XNDC1N: variants seen among roughly 807,000 people sequenced by gnomAD.
The protein encoded by XNDC1N is protein XNDC1N.
chr11:71,888,407 G>C, the XNDC1N span, among the ~76,000 whole-genome samples: 1 of 152,166 alleles, frequency 6.6e-6, no homozygotes, highest in African/African-American at 2.4e-5. Context: ...GTCACCAAGG[G>C]GGCGGGGACC....
the XNDC1N span, among the ~76,000 whole-genome samples, chr11:71,896,779 G>T: frequency 6.6e-6 from 1 of 152,194 alleles, no homozygotes; most frequent in Non-Finnish European, 1.5e-5. Context: ...GGTCAGGCTG[G>T]TCTTCAACTC....
the XNDC1N span, among the ~76,000 whole-genome samples, chr11:71,886,201 T>G: frequency 6.6e-6 from 1 of 151,764 alleles, no homozygotes; most frequent in Non-Finnish European, 1.5e-5. Context: ...CAATACACCG[T>G]CCTATACCGA....
At chr11:71,880,621 T>C in the XNDC1N span, among the ~76,000 whole-genome samples, 1 of 152,212 alleles carries the variant, frequency 6.6e-6, no homozygotes, top group African/African-American at 2.4e-5. Flanking sequence ...TTTATAATCT[T>C]ACTATGTTCT....
the XNDC1N span, chr11:71,923,532 C>T: frequency 1.7e-6 from 1 of 589,976 alleles, no homozygotes; most frequent in Non-Finnish European, 3.0e-6. Flanking sequence ...ACAGGAGTTA[C>T]TTGCAGCAGT....
At chr11:71,879,647 T>C in the XNDC1N span, among the ~76,000 whole-genome samples, 2 of 152,182 alleles carry the variant, frequency 1.3e-5, no homozygotes, top group Non-Finnish European at 2.9e-5. Context: ...ATTCATTGCC[T>C]TAAAGTGTTC....
the XNDC1N span, among the ~76,000 whole-genome samples, chr11:71,926,826 G>T: frequency 2.0e-5 from 3 of 151,800 alleles, no homozygotes; most frequent in South Asian, 2.1e-4. Flanking sequence ...ACTTGAACCC[G>T]GGAGGCAAAG....
At chr11:71,903,917 G>A in the XNDC1N span, 12 of 446,954 alleles carry the variant, frequency 2.7e-5, no homozygotes, top group Middle Eastern at 6.1e-4. Context: ...ACCACCTGTG[G>A]GTCTCACCTG....
At chr11:71,928,474 C>A in the XNDC1N span, 1 of 702,628 alleles carries the variant, frequency 1.4e-6, no homozygotes, top group Non-Finnish European at 2.6e-6. Context: ...CCGAGAGCTA[C>A]TCTTCCGTCT....
chr11:71,873,326 A>C, the XNDC1N span, among the ~76,000 whole-genome samples: 1 of 152,006 alleles, frequency 6.6e-6, no homozygotes, highest in Non-Finnish European at 1.5e-5. Context: ...GTTTTTTCAG[A>C]TCTAATTATT....
chr11:71,887,261 C>A, the XNDC1N span, among the ~76,000 whole-genome samples: 1 of 152,226 alleles, frequency 6.6e-6, no homozygotes, highest in Non-Finnish European at 1.5e-5. Context: ...GCAAAGCAAG[C>A]TTTCTGCTTG....
the XNDC1N span, among the ~76,000 whole-genome samples, chr11:71,924,373 T>C: frequency 2.0e-5 from 3 of 151,652 alleles, no homozygotes; most frequent in Non-Finnish European, 4.4e-5. Flanking sequence ...AGTGAGACCC[T>C]AACTCTAAAA....
At chr11:71,928,217 G>A in the XNDC1N span, 2 of 523,652 alleles carry the variant, frequency 3.8e-6, no homozygotes, top group South Asian at 2.4e-5. Flanking sequence ...GTCCCGCAAG[G>A]CTCTTCAGCT....
chr11:71,905,074 C>T, the XNDC1N span, among the ~76,000 whole-genome samples: 1 of 151,998 alleles, frequency 6.6e-6, no homozygotes, highest in Non-Finnish European at 1.5e-5. Flanking sequence ...AGGTTGTCCA[C>T]TGACCGTGAT....
the XNDC1N span, chr11:71,923,382 AG>A: frequency 1.4e-6 from 1 of 702,650 alleles, no homozygotes; most frequent in Non-Finnish European, 2.6e-6. Flanking sequence ...TTCAAGTACA[AG>A]ACAAAAATGC....
At chr11:71,917,008 T>TATC in the XNDC1N span, 1 of 178,444 alleles carries the variant, frequency 5.6e-6, no homozygotes, top group African/African-American at 2.4e-5. Context: ...AACATATTAT[T>TATC]GTTATTATTA....
chr11:71,895,909 A>G, the XNDC1N span, among the ~76,000 whole-genome samples: 16,228 of 152,232 alleles, frequency 0.11, 1,783 homozygotes, highest in African/African-American at 0.28. Flanking sequence ...GAGACTGCAG[A>G]TCTGTACATT....
chr11:71,892,250 CAAAT>C, the XNDC1N span, among the ~76,000 whole-genome samples: 1,967 of 151,728 alleles, frequency 0.013, 18 homozygotes, highest in Middle Eastern at 0.024. Flanking sequence ...TAGTAGATAA[CAAAT>C]AACATCGCAG....
chr11:71,927,047 T>A, the XNDC1N span, among the ~76,000 whole-genome samples: 1 of 145,128 alleles, frequency 6.9e-6, no homozygotes, highest in South Asian at 2.2e-4. Flanking sequence ...AACCCAGGAG[T>A]TCAAGACCAG....
the XNDC1N span, chr11:71,923,213 T>C: frequency 7.2e-6 from 5 of 692,756 alleles, no homozygotes; most frequent in Non-Finnish European, 1.3e-5. Flanking sequence ...TCTCTTCTAT[T>C]AGATTGGGAG....
Sources: gnomAD v4.1 joint callset for allele counts (sites outside exome capture counted in the v4.1 genomes callset) on GRCh38, gnomAD v4.1.1 for gene constraint, MANE v1.5 for transcripts, NCBI Gene and HGNC (gene_info 2026-07-23, HGNC 2026-07-21) for gene names.